SH3RF2: variants seen among roughly 807,000 people sequenced by gnomAD.
SH3RF2 encodes SH3 domain containing ring finger 2, also known as E3 ubiquitin-protein ligase SH3RF2.
In SH3RF2, 43 loss-of-function variants were observed where a neutral mutation model predicts 59.0. The observed-to-expected ratio is 0.73, with a 90% CI of 0.57 to 0.94. The LOEUF is 0.94. Among genes scored for constraint, SH3RF2 ranks in the 40% least tolerant of loss-of-function variants. SH3RF2 has a pLI of 0.00. For missense variants in SH3RF2, 930 were observed against 940.1 expected, an observed-to-expected ratio of 0.99 and a Z score of 0.14; for synonymous variants, 391 against 391.5, an observed-to-expected ratio of 1.00 and a Z score of 0.01.
At chr5:146,032,888 C>A (rs542712109) in intron 5 of SH3RF2, among the ~76,000 whole-genome samples, 139 of 152,322 alleles carry the variant, frequency 9.1e-4, no homozygotes, top group African/African-American at 3.2e-3. Context: ...CCAGCCCTCA[C>A]CGACTCCTGC....
intron 2 of SH3RF2, chr5:145,997,772 A>G: frequency 6.4e-7 from 1 of 1,572,708 alleles, no homozygotes; most frequent in Non-Finnish European, 8.7e-7. Flanking sequence ...GCAAAAAAAG[A>G]GTCACTCCCT....
intron 4 of SH3RF2, among the ~76,000 whole-genome samples, chr5:146,010,741 G>C (rs1279930656): frequency 6.6e-6 from 1 of 152,060 alleles, no homozygotes; most frequent in Admixed American, 6.5e-5. Context: ...TTTTTTTCTT[G>C]TAAATTTGTT....
At chr5:145,997,169 C>T (rs1183100947) in intron 2 of SH3RF2, 3 of 721,146 alleles carry the variant, frequency 4.2e-6, no homozygotes, top group African/African-American at 3.5e-5. Flanking sequence ...TCCTCATTCT[C>T]CCCAGCATTT....
Position 145,938,162 on chromosome 5 carries a change from A to G in SH3RF2, c.234A>G (p.Ser78=), listed in dbSNP as rs1245516767. ...LLVRLLDGVR[S]GQSSGRGGSF... Reference sequence around the variant, plus strand: ...TGCGCCTTCTGGATGGAGTGCGCTCAGGGCAGAGCTCCGGGAGAGGGGGCT... The same window carrying G: ...TGCGCCTTCTGGATGGAGTGCGCTCGGGGCAGAGCTCCGGGAGAGGGGGCT... Residue 78 remains serine (S), a synonymous_variant, in exon 2 of 10, where the codon TCA becomes TCG. Transcript: ENST00000359120. 1 of 1,614,064 alleles carries G rather than the reference A, an allele frequency of 6.2e-7. No homozygotes were observed. The highest frequency in any genetic ancestry group is 1.1e-5 in the South Asian group (1 of 91,086).
intron 3 of SH3RF2, among the ~76,000 whole-genome samples, chr5:146,000,865 A>T (rs1275104821): frequency 1.3e-5 from 2 of 152,366 alleles, no homozygotes; most frequent in Admixed American, 6.5e-5. Flanking sequence ...AAGCACCGAT[A>T]CATGGACAGA....
chr5:146,073,351 C>G (rs1487240125), intron 9 of SH3RF2, among the ~76,000 whole-genome samples: 1 of 152,228 alleles, frequency 6.6e-6, no homozygotes, highest in Admixed American at 6.5e-5. Context: ...CCCCTCTGGG[C>G]ACTTGCAGCT....
intron 2 of SH3RF2, among the ~76,000 whole-genome samples, chr5:145,953,982 A>G (rs542297228): frequency 2.7e-4 from 41 of 152,278 alleles, no homozygotes; most frequent in African/African-American, 7.2e-4. Flanking sequence ...GATTGATTCT[A>G]TGCCTTTGCT....
At chr5:145,937,727 TGCAAACTGCCTTATGAG>T (rs1757648607) in intron 1 of SH3RF2, 79 bp from the exon 2 acceptor site, 1 of 608,812 alleles carries the variant, frequency 1.6e-6, no homozygotes, top group Non-Finnish European at 2.8e-6. Context: ...ACAAAGTACT[TGCAAACTGCCTTATGAG>T]ACACTGCCTC....
At chr5:146,029,866 T>C (rs544253520) in intron 5 of SH3RF2, among the ~76,000 whole-genome samples, 12 of 152,240 alleles carry the variant, frequency 7.9e-5, no homozygotes, top group Non-Finnish European at 1.8e-4. Flanking sequence ...AAAAAACCAT[T>C]TATTGTATCT....
intron 2 of SH3RF2, among the ~76,000 whole-genome samples, chr5:145,981,887 G>A (rs561812271): frequency 3.1e-4 from 47 of 152,218 alleles, no homozygotes; most frequent in African/African-American, 1.1e-3. Context: ...TGCTTCTAGA[G>A]GCATCACAGG....
chr5:146,020,894 A>G (rs905183369), intron 5 of SH3RF2, among the ~76,000 whole-genome samples: 5 of 152,258 alleles, frequency 3.3e-5, no homozygotes, highest in Admixed American at 1.3e-4. Context: ...TGACAAGTCC[A>G]AGCATCTTTC....
chr5:146,075,861 T>C (rs1415522540), intron 9 of SH3RF2, among the ~76,000 whole-genome samples: 1 of 151,752 alleles, frequency 6.6e-6, no homozygotes, highest in Non-Finnish European at 1.5e-5. Context: ...TTTTTGTTTT[T>C]GTTTTTTACT....
intron 2 of SH3RF2, among the ~76,000 whole-genome samples, chr5:145,979,229 C>A (rs1759419004): frequency 6.6e-6 from 1 of 152,204 alleles, no homozygotes; most frequent in Non-Finnish European, 1.5e-5. Flanking sequence ...GGGCCCCACC[C>A]CAGACCTACT....
downstream of SH3RF2, among the ~76,000 whole-genome samples, chr5:146,064,586 G>GGA (rs70998047): frequency 7.5e-4 from 31 of 41,460 alleles, 2 homozygotes; most frequent in African/African-American, 3.3e-3. Context: ...GAAGGAAGGG[G>GGA]GAGAGAGAGA....
At chr5:146,081,684 C>CA (rs1763427331) in exon 10 of SH3RF2, 1 of 152,072 alleles carries the variant, frequency 6.6e-6, no homozygotes, top group Non-Finnish European at 1.5e-5. Flanking sequence ...CCTTCTTTGC[C>CA]AAAAATATGC....
chr5:146,055,679 G>A, intron 7 of SH3RF2: 1 of 386,450 alleles, frequency 2.6e-6, no homozygotes, highest in Non-Finnish European at 4.7e-6. Context: ...GATGTGGGGT[G>A]AGGAATGATC....
At chr5:145,980,422 A>C (rs1759465523) in intron 2 of SH3RF2, among the ~76,000 whole-genome samples, 2 of 152,130 alleles carry the variant, frequency 1.3e-5, no homozygotes, top group Admixed American at 1.3e-4. Context: ...ATGACAGTCC[A>C]CCCCAATCTA....
At chr5:146,057,671 G>A (rs1445470050) in intron 8 of SH3RF2, among the ~76,000 whole-genome samples, 1 of 152,148 alleles carries the variant, frequency 6.6e-6, no homozygotes, top group Admixed American at 6.5e-5. Context: ...GAATGTGTGT[G>A]GCTCACACCT....
At chr5:146,071,265 C>A (rs1249134441) in intron 9 of SH3RF2, among the ~76,000 whole-genome samples, 1 of 152,206 alleles carries the variant, frequency 6.6e-6, no homozygotes, top group Non-Finnish European at 1.5e-5. Flanking sequence ...GCCCCACCAC[C>A]ACCTTCTCTC....
Sources: gnomAD v4.1 joint callset for allele counts (sites outside exome capture counted in the v4.1 genomes callset) on GRCh38, gnomAD v4.1.1 for gene constraint, MANE v1.5 for transcripts, NCBI Gene and HGNC (gene_info 2026-07-23, HGNC 2026-07-21) for gene names.